The following KCTD16 variants were observed in gnomAD, a reference collection of about 807,000 sequenced individuals.
The protein encoded by KCTD16 is potassium channel tetramerization domain containing 16, also known as BTB/POZ domain-containing protein KCTD16.
KCTD16 carries 13 observed loss-of-function variants against 33.2 expected under a neutral mutation model. The ratio of observed to expected loss-of-function variants is 0.39; its 90% CI spans 0.25 to 0.62. The LOEUF (loss-of-function observed/expected upper bound fraction) is 0.62. Ranked by LOEUF, KCTD16 falls within the 20% of genes least tolerant of loss-of-function variation. The pLI, the probability that KCTD16 is intolerant of heterozygous loss-of-function variation, is 0.50. For synonymous variants in KCTD16, 197 were observed against 195.3 expected, an observed-to-expected ratio of 1.01 and a Z score of -0.07; for missense variants, 441 against 525.1, an observed-to-expected ratio of 0.84 and a Z score of 1.57.
At chr5:144,187,890 G>A (rs1360403294) in intron 2 of KCTD16, among the ~76,000 whole-genome samples, 1 of 152,152 alleles carries the variant, frequency 6.6e-6, no homozygotes, top group East Asian at 1.9e-4. Context: ...ACTTCAGGCT[G>A]TGATTTCATC....
At chr5:144,319,150 G>A (rs1486653431) in intron 3 of KCTD16, among the ~76,000 whole-genome samples, 1 of 151,906 alleles carries the variant, frequency 6.6e-6, no homozygotes, top group East Asian at 1.9e-4. Flanking sequence ...ACTAAATTTT[G>A]TTATATGGTT....
rs1391127870 is a variant in KCTD16, at chr5:144,378,091, TG to T, written c.833-95567del. 4.6e-5 allele frequency among the ~76,000 whole-genome samples: 7 copies of T among 152,292 alleles called. No individual in the cohort carries two copies. The East Asian group carries it at 9.6e-4, about 21-fold the overall frequency. On this transcript the variant is annotated intron_variant, in intron 3 of 3. Transcript: ENST00000512467. ...TAGCAGATATTCAGATTTCCATGCA[TG>T]GTTTGGGATTTTAAGGAGGTTTTCC...
intron 3 of KCTD16, among the ~76,000 whole-genome samples, chr5:144,334,993 C>A (rs973661776): frequency 2.0e-5 from 3 of 151,962 alleles, no homozygotes; most frequent in South Asian, 2.1e-4. Flanking sequence ...TTGCCCAGGC[C>A]AGTCTCTAAC....
intron 3 of KCTD16, among the ~76,000 whole-genome samples, chr5:144,387,813 G>A (rs1456718382): frequency 1.3e-5 from 2 of 152,078 alleles, no homozygotes; most frequent in South Asian, 2.1e-4. Context: ...CAGCCTATAA[G>A]GGGTAGGCAC....
intron 3 of KCTD16, among the ~76,000 whole-genome samples, chr5:144,381,249 C>G (rs769390658): frequency 5.3e-5 from 8 of 152,076 alleles, no homozygotes; most frequent in Non-Finnish European, 8.8e-5. Context: ...AATGAGATAC[C>G]GTCTCACACC....
At chr5:144,395,331 T>A (rs1266120125) in intron 3 of KCTD16, among the ~76,000 whole-genome samples, 1 of 152,228 alleles carries the variant, frequency 6.6e-6, no homozygotes, top group African/African-American at 2.4e-5. Flanking sequence ...AAACAACTTA[T>A]GTAATGCAAT....
At chr5:144,191,249 G>A (rs1230508762) in intron 2 of KCTD16, among the ~76,000 whole-genome samples, 1 of 152,184 alleles carries the variant, frequency 6.6e-6, no homozygotes. Flanking sequence ...GGGTAGATGA[G>A]TTCTGAGTTA....
rs1754595637 is a variant in KCTD16 at position 144,476,435 on chromosome 5, T to G, written c.*2321T>G. 6.6e-6 allele frequency: 1 copy of G among 152,008 alleles called. No individual in the cohort carries two copies. The highest frequency in any genetic ancestry group is 2.4e-5 in the African/African-American group (1 of 41,376). 9.4% of individuals were successfully genotyped at this position (152,008 alleles called of 1,614,324 possible). On this transcript the variant is annotated 3_prime_UTR_variant, in exon 4 of 4. Coordinates refer to ENST00000512467, the MANE Select transcript of KCTD16 (RefSeq NM_020768.4). ...AGGAAATTAAACACTGCAAAAGGAG[T>G]GTTCGTGGCAGTGTTCCTCTGACCC...
Position 144,454,351 on chromosome 5 carries a change from A to G in KCTD16, c.833-19309A>G, listed in dbSNP as rs758796291. ...TATATATTGTTTTTGCTTTTTTCAC[A>G]TGGGAATGGAATAAATCAACTCTGT... On this transcript the variant is annotated intron_variant, in intron 3 of 3. Coordinates refer to ENST00000512467, the MANE Select transcript of KCTD16 (RefSeq NM_020768.4). Among the ~76,000 whole-genome samples the G allele has an allele frequency of 2.5e-4, 38 of 152,232 alleles. 1 individual carries two copies. The highest frequency in any genetic ancestry group is 6.8e-3 in the Middle Eastern group (2 of 294).
intron 3 of KCTD16, among the ~76,000 whole-genome samples, chr5:144,326,570 C>G (rs10515540): frequency 0.058 from 8,759 of 152,010 alleles, 845 homozygotes; most frequent in African/African-American, 0.2. Context: ...GACCTTATAA[C>G]TAATCATTTC....
chr5:144,327,170 AT>A (rs1275667655), intron 3 of KCTD16, among the ~76,000 whole-genome samples: 2 of 152,128 alleles, frequency 1.3e-5, no homozygotes, highest in Non-Finnish European at 2.9e-5. Context: ...TACATATAGT[AT>A]TTTTTAAGGC....
chr5:144,338,328 G>A (rs893970271), intron 3 of KCTD16, among the ~76,000 whole-genome samples: 5 of 152,144 alleles, frequency 3.3e-5, no homozygotes, highest in Non-Finnish European at 7.3e-5. Context: ...ATGGATTTTG[G>A]AGACTGGTTG....
intron 2 of KCTD16, among the ~76,000 whole-genome samples, chr5:144,177,338 T>C (rs528118585): frequency 6.6e-6 from 1 of 152,248 alleles, no homozygotes; most frequent in Admixed American, 6.5e-5. Context: ...AAAGTGATGG[T>C]TTGAAAAAAT....
chr5:144,223,754 AG>A (rs1043219022), intron 3 of KCTD16, among the ~76,000 whole-genome samples: 9 of 152,126 alleles, frequency 5.9e-5, no homozygotes, highest in African/African-American at 1.9e-4. Flanking sequence ...TTCATGATTC[AG>A]TTTCCTGACT....
At chr5:144,312,528 G>A (rs1751793285) in intron 3 of KCTD16, among the ~76,000 whole-genome samples, 1 of 152,132 alleles carries the variant, frequency 6.6e-6, no homozygotes, top group Admixed American at 6.6e-5. Context: ...GAATTTAACT[G>A]AAGTAAAGTA....
At chr5:144,218,390 C>G (rs562327441) in intron 3 of KCTD16, among the ~76,000 whole-genome samples, 268 of 152,220 alleles carry the variant, frequency 1.8e-3, no homozygotes, top group Non-Finnish European at 3.4e-3. Flanking sequence ...CTTTCAGACA[C>G]TAGCTGGTGG....
At chr5:144,364,991 G>A (rs941217682) in intron 3 of KCTD16, among the ~76,000 whole-genome samples, 2 of 151,230 alleles carry the variant, frequency 1.3e-5, no homozygotes, top group African/African-American at 4.9e-5. Context: ...TCAAAATGGG[G>A]TGCAAGTTAA....
chr5:144,454,879 G>A (rs1227152170), intron 3 of KCTD16, among the ~76,000 whole-genome samples: 2 of 152,126 alleles, frequency 1.3e-5, no homozygotes, highest in Admixed American at 1.3e-4. Context: ...CAAATCCAGT[G>A]CAATACATTG....
chr5:144,456,555 A>G (rs1240098422), intron 3 of KCTD16, among the ~76,000 whole-genome samples: 1 of 152,222 alleles, frequency 6.6e-6, no homozygotes, highest in Non-Finnish European at 1.5e-5. Context: ...CAATTTGAGT[A>G]TCAGACTTCT....
Sources: allele counts gnomAD v4.1 joint callset (sites outside exome capture counted in the v4.1 genomes callset), GRCh38; gene constraint gnomAD v4.1.1; transcripts MANE v1.5; gene names NCBI Gene and HGNC (gene_info 2026-07-23, HGNC 2026-07-21).